TAFA3: variants seen among roughly 807,000 people sequenced by gnomAD.
The protein encoded by TAFA3 is chemokine-like protein TAFA-3.
A neutral mutation model predicts 20.7 loss-of-function variants in TAFA3; 17 were observed. The observed-to-expected ratio is 0.82, with a 90% CI of 0.56 to 1.23. The LOEUF is 1.23. Among genes scored for constraint, TAFA3 ranks in the 50% most tolerant of loss-of-function variants. TAFA3 has a pLI of 0.00. For missense variants in TAFA3, 174 were observed against 172.8 expected (o/e 1.01, Z -0.04); for synonymous variants, 74 against 71.8 (o/e 1.03, Z -0.16).
intron 4 of TAFA3, 128 bp downstream of exon 4, chr1:112,723,293 G>A (rs1219024947): frequency 7.7e-7 from 1 of 1,302,152 alleles, no homozygotes; most frequent in Non-Finnish European, 1.0e-6. Flanking sequence ...GTCTCAAATG[G>A]TGGGGCCCCC....
intron 4 of TAFA3, 90 bp from the exon 5 acceptor site, chr1:112,723,923 G>A: frequency 1.2e-6 from 2 of 1,612,336 alleles, no homozygotes; most frequent in Non-Finnish European, 1.7e-6. Context: ...GGGGTGTGTG[G>A]AAACGTGCAC....
At chr1:112,724,257 T>A in intron 5 of TAFA3, 120 bp downstream of exon 5, 1 of 934,438 alleles carries the variant, frequency 1.1e-6, no homozygotes, top group Non-Finnish European at 1.6e-6. Context: ...TCGTGAACCA[T>A]GAAATTCACA....
At position 112,719,291 on chromosome 1, in the gene TAFA3, G is replaced by A. The variant is rs1367779462; in HGVS notation, c.-68G>A. Among the ~76,000 whole-genome samples the A allele has an allele frequency of 6.6e-6, 1 of 152,226 alleles. No homozygotes were observed. Among genetic ancestry groups the A allele is most frequent in the Non-Finnish European group, 1.5e-5 (1 of 68,040 alleles). ...GCAGATCGAACCAGTGGGCATCACC[G>A]TGGACCAGGTAGGTCCCAGGTGTGG... is the stretch of plus-strand genomic sequence containing the variant. On this transcript the variant is annotated 5_prime_UTR_variant, in exon 1 of 6. The change creates a new upstream start codon in the 5' untranslated region. Transcript: ENST00000361886.
At chr1:112,723,923 G>T in intron 4 of TAFA3, 90 bp from the exon 5 acceptor site, 1 of 1,612,336 alleles carries the variant, frequency 6.2e-7, no homozygotes. Context: ...GGGGTGTGTG[G>T]AAACGTGCAC....
rs766609656 is a variant in TAFA3 at position 112,724,112 on chromosome 1, G to A, written c.365G>A (p.Ser122Asn). The A allele has an allele frequency of 1.2e-6, 2 of 1,610,410 alleles. No individual in the cohort carries two copies. Among genetic ancestry groups the A allele is most frequent in the East Asian group, 4.5e-5 (2 of 44,806 alleles). The change falls in exon 5 of 6, where the codon AGT (serine) becomes AAT (asparagine). Residue 122 changes from serine (S) to asparagine (N), a missense_variant. Ser to Asn is a conservative substitution (Grantham distance 46). Transcript: ENST00000361886. ...LPDLSGWSCS[S>N]GHKVKTTKVT... ...GACCTGTCGGGATGGAGCTGCAGCA[G>A]TGGACACAAAGTCAAAACCACCAAG... is the stretch of plus-strand genomic sequence containing the variant.
At position 112,722,898 on chromosome 1, in the gene TAFA3, G is replaced by T. The variant is rs1675362997; in HGVS notation, c.116-118G>T. ...TCCACTTCCTCCTCCCCTGCCACTG[G>T]CAGTCTCTTCCATAGCCCTCCCTGC... On this transcript the variant is annotated intron_variant, in intron 3 of 5. Transcript: ENST00000361886. 3.1e-6 allele frequency: 4 copies of T among 1,285,796 alleles called. No individual in the cohort carries two copies. In the East Asian group the frequency reaches 1.0e-4, roughly 33 times the overall value. 79.6% of individuals were successfully genotyped at this position (1,285,796 alleles called of 1,614,324 possible). A position where few individuals can be genotyped will look rare whatever the true frequency, so the allele number is the denominator to read the frequency against.
rs1312691244 is a variant in TAFA3 at position 112,719,181 on chromosome 1, C to G, written c.-178C>G. 6.6e-6 allele frequency among the ~76,000 whole-genome samples: 1 copy of G among 152,260 alleles called. No individual in the cohort carries two copies. Among genetic ancestry groups the G allele is most frequent in the Admixed American group, 6.5e-5 (1 of 15,290 alleles). On this transcript the variant is annotated 5_prime_UTR_variant, in exon 1 of 6. Transcript: ENST00000361886. ...GAAGGGGACAGGGCTCCGGACTAGA[C>G]AGCACCCAAGCTGGCCGCTCCCTCC...
chr1:112,726,548 G>T, intron 5 of TAFA3, 81 bp from the exon 6 acceptor site: 7 of 1,467,262 alleles, frequency 4.8e-6, no homozygotes, highest in Non-Finnish European at 6.7e-6. Context: ...TAAGTGACCT[G>T]CATATTCTGG....
At chr1:112,722,034 C>T (rs1157940774) in intron 2 of TAFA3, among the ~76,000 whole-genome samples, 199 bp from the exon 3 acceptor site, 1 of 152,196 alleles carries the variant, frequency 6.6e-6, no homozygotes, top group Non-Finnish European at 1.5e-5. Context: ...AATGTTGTCT[C>T]CTCCAAAGGC....
intron 2 of TAFA3, 146 bp from the exon 3 acceptor site, chr1:112,722,087 C>A: frequency 1.3e-6 from 1 of 756,104 alleles, no homozygotes; most frequent in Non-Finnish European, 2.2e-6. Flanking sequence ...CTGCATGACT[C>A]TGTGCCAGGT....
At chr1:112,724,866 A>G (rs1432596218) in intron 5 of TAFA3, among the ~76,000 whole-genome samples, 1 of 148,566 alleles carries the variant, frequency 6.7e-6, no homozygotes, top group Non-Finnish European at 1.5e-5. Context: ...CTACCATTCA[A>G]CCCAGCCATC....
At position 112,722,265 on chromosome 1, in the gene TAFA3, C is replaced by T. The variant is rs750381184; in HGVS notation, c.32C>T (p.Thr11Met). 1.1e-5 allele frequency: 18 copies of T among 1,614,004 alleles called. No homozygotes were observed. The highest frequency in any genetic ancestry group is 4.4e-5 in the South Asian group (4 of 91,082). MSERVERNWS[T>M]GGWLLALCLA... ...GAGAGGGTCGAGCGGAACTGGAGCA[C>T]GGGCGGCTGGCTGCTGGCACTGTGC... Residue 11 changes from threonine (T) to methionine (M), a missense_variant, in exon 3 of 6, where the codon ACG becomes ATG. Physicochemically the swap from Thr to Met is moderately conservative, Grantham distance 81 (BLOSUM62 -1). Transcript: ENST00000361886.
Position 112,727,191 on chromosome 1 carries a change from G to A in TAFA3, c.*551G>A, listed in dbSNP as rs1221340684. The stretch of plus-strand genomic sequence containing the variant: ...TATCTCATTTGGATGGGATTGGATT[G>A]ACTTGCGGAAGGAAAGTAAAAATAA... On this transcript the variant is annotated 3_prime_UTR_variant, in exon 6 of 6. Coordinates refer to ENST00000361886, the MANE Select transcript of TAFA3 (RefSeq NM_182759.3). 6.5e-6 allele frequency: 1 copy of A among 153,930 alleles called. No individual in the cohort carries two copies. Among genetic ancestry groups the A allele is most frequent in the Non-Finnish European group, 1.4e-5 (1 of 69,180 alleles). The allele number at this position is 153,930 out of a possible 1,614,324, so 9.5% of individuals were successfully genotyped here. A position where few individuals can be genotyped will look rare whatever the true frequency, so the allele number is the denominator to read the frequency against.
intron 1 of TAFA3, among the ~76,000 whole-genome samples, 197 bp downstream of exon 1, chr1:112,719,496 G>A (rs1675279211): frequency 6.6e-6 from 1 of 152,170 alleles, no homozygotes; most frequent in Non-Finnish European, 1.5e-5. Flanking sequence ...ATTGAGGCAG[G>A]AGCATGGAAG....
rs1675270671 is a variant in TAFA3 at position 112,719,102 on chromosome 1, G to C, written c.-257G>C. Among the ~76,000 whole-genome samples, 1 of 152,218 alleles carries C rather than the reference G, an allele frequency of 6.6e-6. No individual in the cohort carries two copies. The highest frequency in any genetic ancestry group is 6.5e-5 in the Admixed American group (1 of 15,288). ...GTGCCCAGAGCCCGGCCCGCCCTGC[G>C]GATGATGCCAACCTGACCAGAACCC... is the stretch of plus-strand genomic sequence containing the variant. On this transcript the variant is annotated 5_prime_UTR_variant, in exon 1 of 6. Transcript: ENST00000361886.
At chr1:112,726,511 G>C (rs1675474970) in intron 5 of TAFA3, 118 bp from the exon 6 acceptor site, 5 of 1,053,212 alleles carry the variant, frequency 4.7e-6, no homozygotes, top group Non-Finnish European at 7.2e-6. Context: ...CCTGCTTTAG[G>C]GTGAGAGGAT....
chr1:112,722,142 G>C lies in TAFA3; in HGVS notation c.-1-91G>C. On this transcript the variant is annotated intron_variant, in intron 2 of 5. Coordinates refer to ENST00000361886, the MANE Select transcript of TAFA3 (RefSeq NM_182759.3). Reference sequence around the variant, plus strand: ...AGGTGTGCCTCCTCCCCATCTTTGTGCCTCCCAGAGTGTGTGGCACAGAGA... The same window carrying C: ...AGGTGTGCCTCCTCCCCATCTTTGTCCCTCCCAGAGTGTGTGGCACAGAGA... The C allele has an allele frequency of 3.0e-6, 4 of 1,343,350 alleles. No individual in the cohort carries two copies. The South Asian group carries it at 3.7e-5, about 13-fold the overall frequency. 83.2% of individuals were successfully genotyped at this position (1,343,350 alleles called of 1,614,324 possible).
chr1:112,723,742 G>C (rs1299403704), intron 4 of TAFA3, among the ~76,000 whole-genome samples: 1 of 152,162 alleles, frequency 6.6e-6, no homozygotes, highest in Non-Finnish European at 1.5e-5. Context: ...CTAGTGACAT[G>C]GTCACCTTAG....
At chr1:112,724,212 T>G (rs959058133) in intron 5 of TAFA3, 75 bp downstream of exon 5, 38 of 1,346,634 alleles carry the variant, frequency 2.8e-5, no homozygotes, top group South Asian at 2.2e-4. Flanking sequence ...CACAGGAGCC[T>G]TGGAGGTCTA....
Sources: allele counts gnomAD v4.1 joint callset (sites outside exome capture counted in the v4.1 genomes callset), GRCh38; gene constraint gnomAD v4.1.1; transcripts MANE v1.5; gene names NCBI Gene and HGNC (gene_info 2026-07-23, HGNC 2026-07-21).